Variants in CD84 observed in about 807,000 individuals in gnomAD.
CD84 encodes SLAM family member 5.
In CD84, 22 loss-of-function variants were observed where a neutral mutation model predicts 33.8. The ratio of observed to expected loss-of-function variants is 0.65; its 90% confidence interval spans 0.46 to 0.93. CD84 has a LOEUF of 0.93. CD84 is among the 40% of genes least tolerant of loss of function. CD84 has a pLI of 0.00. For synonymous variants in CD84, 154 were observed against 145.2 expected, an observed-to-expected ratio of 1.06 and a Z score of -0.44; for missense variants, 400 against 397.6, an observed-to-expected ratio of 1.01 and a Z score of -0.05.
chr1:160,553,471 G>A lies in CD84; in HGVS notation c.667C>T (p.His223Tyr). 1 of 1,614,088 alleles carries A rather than the reference G, an allele frequency of 6.2e-7. No homozygotes were observed. Among genetic ancestry groups the A allele is most frequent in the Non-Finnish European group, 8.5e-7 (1 of 1,179,988 alleles). The part of the protein sequence containing the change: ...ADIAMGFRTH[H>Y]TGLLSVLAMF... Reference sequence around the variant, plus strand: ...GCCAGCACGCTCAGCAACCCGGTGTGGTGAGTACGGAAGCCCATTGCGATG... The same window carrying A: ...GCCAGCACGCTCAGCAACCCGGTGTAGTGAGTACGGAAGCCCATTGCGATG... Residue 223 changes from histidine (H) to tyrosine (Y), a missense_variant, in exon 4 of 7, where the codon CAC becomes TAC. His to Tyr is a moderately conservative substitution (Grantham distance 83). Transcript: ENST00000368054.
intron 2 of CD84, among the ~76,000 whole-genome samples, chr1:160,555,004 T>TTATA (rs546095274): frequency 9.5e-4 from 144 of 151,026 alleles, no homozygotes; most frequent in Admixed American, 2.0e-3. Context: ...AACATAAATT[T>TTATA]TATATATATA....
chr1:160,547,968 T>C lies in CD84; in HGVS notation c.*288A>G. On this transcript the variant is annotated 3_prime_UTR_variant, in exon 7 of 7. Coordinates refer to ENST00000368054, the MANE Select transcript of CD84 (RefSeq NM_003874.4). ...TGTTTATCCCAGTGTGCCATAAAAA[T>C]ATTATTTTCTACATGTGCTATGATG... 1 of 417,816 alleles carries C rather than the reference T, an allele frequency of 2.4e-6. No homozygotes were observed. The highest frequency in any genetic ancestry group is 4.4e-6 in the Non-Finnish European group (1 of 225,246). The allele number at this position is 417,816 out of a possible 1,614,324, so 25.9% of individuals were successfully genotyped here.
At chr1:160,571,763 C>G (rs921920479) in intron 1 of CD84, among the ~76,000 whole-genome samples, 1 of 152,138 alleles carries the variant, frequency 6.6e-6, no homozygotes, top group Non-Finnish European at 1.5e-5. Context: ...CTCTGGAACT[C>G]CAGGTTTCCC....
chr1:160,562,341 G>A (rs1657030165), intron 2 of CD84, among the ~76,000 whole-genome samples: 1 of 152,102 alleles, frequency 6.6e-6, no homozygotes, highest in Non-Finnish European at 1.5e-5. Flanking sequence ...CAAGGCCAAG[G>A]TAACCAAAAC....
rs1283704218 is a variant in CD84 at position 160,545,030 on chromosome 1, G to C, written c.*3226C>G. ...TGTGGAGGGGAAAATAAGATCACAT[G>C]CATTTTACAGAAGGAAAATCTAAGA... On this transcript the variant is annotated 3_prime_UTR_variant, in exon 7 of 7. Coordinates refer to ENST00000368054, the MANE Select transcript of CD84 (RefSeq NM_003874.4). 3 of 152,156 alleles carry C rather than the reference G, an allele frequency of 2.0e-5. No individual in the cohort carries two copies. The highest frequency in any genetic ancestry group is 4.4e-5 in the Non-Finnish European group (3 of 68,034). 9.4% of individuals were successfully genotyped at this position (152,156 alleles called of 1,614,324 possible).
chr1:160,553,270 C>T, intron 4 of CD84, 108 bp downstream of exon 4: 1 of 1,583,668 alleles, frequency 6.3e-7, no homozygotes, highest in Non-Finnish European at 8.6e-7. Flanking sequence ...CGGAAAAAGG[C>T]AGATTCCCTG....
chr1:160,554,300 A>T (rs1393106002), intron 2 of CD84, among the ~76,000 whole-genome samples, 154 bp from the exon 3 acceptor site: 2 of 152,196 alleles, frequency 1.3e-5, no homozygotes, highest in Admixed American at 1.3e-4. Context: ...AATAAAGATA[A>T]TAAATCCTCA....
intron 4 of CD84, among the ~76,000 whole-genome samples, chr1:160,552,372 C>T (rs933280856): frequency 6.6e-6 from 1 of 152,176 alleles, no homozygotes; most frequent in Non-Finnish European, 1.5e-5. Context: ...ATGCCTCCTC[C>T]GTACCATGCC....
At chr1:160,566,666 G>A (rs2102184379) in intron 1 of CD84, among the ~76,000 whole-genome samples, 1 of 152,304 alleles carries the variant, frequency 6.6e-6, no homozygotes, top group Non-Finnish European at 1.5e-5. Context: ...AGATACCAAT[G>A]TTGATCAGAT....
At chr1:160,560,396 C>G (rs1483154607) in intron 2 of CD84, among the ~76,000 whole-genome samples, 2 of 152,048 alleles carry the variant, frequency 1.3e-5, no homozygotes, top group Non-Finnish European at 2.9e-5. Context: ...CTGAATGACT[C>G]TTGGGTAAAC....
In CD84 at chr1:160,573,934, TA is replaced by T. The variant is rs34125532; in HGVS notation, c.46+5457del. On this transcript the variant is annotated intron_variant, in intron 1 of 6. Coordinates refer to ENST00000368054, the MANE Select transcript of CD84 (RefSeq NM_003874.4). ...GATCCCATCTCTATGAAAAAGAAAA[TA>T]AAAAAAAATTAGTCAGGCATGGTAA... is the stretch of plus-strand genomic sequence containing the variant. Among the ~76,000 whole-genome samples the T allele has an allele frequency of 2.8e-3, 421 of 149,808 alleles. 1 individual carries two copies. Among genetic ancestry groups the T allele is most frequent in the African/African-American group, 9.5e-3 (387 of 40,754 alleles).
intron 1 of CD84, among the ~76,000 whole-genome samples, chr1:160,570,746 C>A (rs1474452632): frequency 1.3e-5 from 2 of 152,156 alleles, no homozygotes; most frequent in Non-Finnish European, 2.9e-5. Flanking sequence ...CCTGTAGTCC[C>A]AGCTGCCCAG....
chr1:160,572,793 G>A (rs866316205), intron 1 of CD84, among the ~76,000 whole-genome samples: 1 of 152,154 alleles, frequency 6.6e-6, no homozygotes, highest in African/African-American at 2.4e-5. Context: ...AGAAGCAAAG[G>A]CAAGAAAAGG....
At chr1:160,571,492 A>C (rs1300885475) in intron 1 of CD84, 1 of 152,132 alleles carries the variant, frequency 6.6e-6, no homozygotes, top group Non-Finnish European at 1.5e-5. Context: ...GGCCTTTGAG[A>C]ATGTAGTACA....
intron 3 of CD84, 111 bp from the exon 4 acceptor site, chr1:160,553,608 G>C: frequency 7.8e-7 from 1 of 1,288,004 alleles, no homozygotes; most frequent in Non-Finnish European, 1.1e-6. Context: ...CTCCGAAGGA[G>C]TGCCAAAGCT....
intron 3 of CD84, 101 bp from the exon 4 acceptor site, chr1:160,553,598 C>T (rs1656395563): frequency 5.0e-6 from 7 of 1,396,608 alleles, no homozygotes; most frequent in Non-Finnish European, 7.0e-6. Flanking sequence ...ATTGGGTGCC[C>T]TCCGAAGGAG....
At chr1:160,553,680 A>G (rs747159645) in intron 3 of CD84, 183 bp from the exon 4 acceptor site, 207 of 953,334 alleles carry the variant, frequency 2.2e-4, no homozygotes, top group Middle Eastern at 3.0e-4. Context: ...CAGAGAGTTG[A>G]TCAGGGGCTG....
In CD84 at chr1:160,553,971, C is replaced by A. The variant is rs894552753; in HGVS notation, c.564G>T (p.Glu188Asp). 4.3e-6 allele frequency: 7 copies of A among 1,614,188 alleles called. No individual in the cohort carries two copies. Among genetic ancestry groups the A allele is most frequent in the Non-Finnish European group, 5.1e-6 (6 of 1,180,036 alleles). ...LQIFQTPEDQ[E>D]LTYTCTAQNP... ...TCTGGGCTGTACACGTGTAAGTCAG[C>A]TCTTGGTCCTCAGGAGTCTGGAAGA... Residue 188 changes from glutamate (E) to aspartate (D), a missense_variant, in exon 3 of 7, where the codon GAG (glutamate) becomes GAT (aspartate). By Grantham distance (45) the Glu-to-Asp change is conservative. Transcript: ENST00000368054.
At chr1:160,550,094 C>A in intron 5 of CD84, 115 bp from the exon 6 acceptor site, 1 of 773,616 alleles carries the variant, frequency 1.3e-6, no homozygotes, top group Non-Finnish European at 2.3e-6. Flanking sequence ...ACTGGGTGGC[C>A]TCCCCTTTGG....
Sources: gnomAD v4.1 joint callset for allele counts (sites outside exome capture counted in the v4.1 genomes callset) on GRCh38, gnomAD v4.1.1 for gene constraint, MANE v1.5 for transcripts, NCBI Gene and HGNC (gene_info 2026-07-23, HGNC 2026-07-21) for gene names.